PLPP3: variants seen among roughly 807,000 people sequenced by gnomAD.
The protein encoded by PLPP3 is PAP2 beta.
A neutral mutation model predicts 29.6 loss-of-function variants in PLPP3; 6 were observed. That is an observed-to-expected ratio of 0.20 (90% confidence interval 0.11 to 0.40). The LOEUF (loss-of-function observed/expected upper bound fraction) is 0.40. Among genes scored for constraint, PLPP3 ranks in the 10% least tolerant of loss-of-function variants. The pLI is 1.00. For synonymous variants in PLPP3, 152 were observed against 159.7 expected (o/e 0.95, Z 0.36); for missense variants, 308 against 407.7 (o/e 0.76, Z 2.11).
At chr1:56,568,281 A>G (rs116484663) in intron 1 of PLPP3, among the ~76,000 whole-genome samples, 24 of 152,352 alleles carry the variant, frequency 1.6e-4, no homozygotes, top group Non-Finnish European at 3.5e-4. Flanking sequence ...ACTAAAAACC[A>G]ATGAATCGTG....
At chr1:56,546,595 T>C (rs1320050893) in intron 1 of PLPP3, among the ~76,000 whole-genome samples, 1 of 152,192 alleles carries the variant, frequency 6.6e-6, no homozygotes, top group Non-Finnish European at 1.5e-5. Flanking sequence ...TCATGTCAAG[T>C]CACCAGGGCA....
chr1:56,567,708 T>C (rs1273457610), intron 1 of PLPP3, among the ~76,000 whole-genome samples: 1 of 152,144 alleles, frequency 6.6e-6, no homozygotes, highest in Non-Finnish European at 1.5e-5. Context: ...AATCTTAAGG[T>C]ATTTCTAAAA....
At position 56,495,469 on chromosome 1, in the gene PLPP3, T is replaced by C. The variant is rs889091662; in HGVS notation, c.*1082A>G. ...GGCTCAACCCCAAGACAATAGTGCT[T>C]TACACAGCAAGAGCAACTCCTACAA... On this transcript the variant is annotated 3_prime_UTR_variant, in exon 6 of 6. Coordinates refer to ENST00000371250, the MANE Select transcript of PLPP3 (RefSeq NM_003713.5). 3.3e-5 allele frequency: 5 copies of C among 152,642 alleles called. No individual in the cohort carries two copies. Among genetic ancestry groups the C allele is most frequent in the Non-Finnish European group, 7.3e-5 (5 of 68,030 alleles). The allele number at this position is 152,642 out of a possible 1,614,324, so 9.5% of individuals were successfully genotyped here.
At chr1:56,521,886 G>A (rs1177340923) in intron 4 of PLPP3, among the ~76,000 whole-genome samples, 1 of 152,126 alleles carries the variant, frequency 6.6e-6, no homozygotes, top group African/African-American at 2.4e-5. Flanking sequence ...TCTCTAGATG[G>A]TAAGGAGGTA....
rs140101175 is a variant in PLPP3 at position 56,499,812 on chromosome 1, G to C, written c.811-3136C>G. On this transcript the variant is annotated intron_variant, in intron 5 of 5. Coordinates refer to ENST00000371250, the MANE Select transcript of PLPP3 (RefSeq NM_003713.5). Reference sequence around the variant, plus strand: ...ACAAAAAGACCTAGTAAAAGTAAAAGCTTCTTGGCTTGAAGCAGTTCCATT... The same window carrying C: ...ACAAAAAGACCTAGTAAAAGTAAAACCTTCTTGGCTTGAAGCAGTTCCATT... Among the ~76,000 whole-genome samples, 289 of 152,256 alleles carry C rather than the reference G, an allele frequency of 1.9e-3. 1 individual carries two copies. Among genetic ancestry groups the C allele is most frequent in the African/African-American group, 6.5e-3 (271 of 41,558 alleles).
intron 1 of PLPP3, among the ~76,000 whole-genome samples, chr1:56,572,043 G>GTTTTTTTTTTTTTTT (rs375576842): frequency 3.5e-5 from 3 of 85,072 alleles, no homozygotes; most frequent in Non-Finnish European, 6.0e-5. Flanking sequence ...ATCATTTCTG[G>GTTTTTTTTTTTTTTT]TTTTTTTTTT....
chr1:56,578,349 G>A (rs76864856), intron 1 of PLPP3, among the ~76,000 whole-genome samples: 2 of 152,304 alleles, frequency 1.3e-5, no homozygotes, highest in East Asian at 1.9e-4. Flanking sequence ...ACCTACAGGA[G>A]AGGAGCAAGT....
At chr1:56,563,147 C>G (rs1381311690) in intron 1 of PLPP3, among the ~76,000 whole-genome samples, 1 of 152,192 alleles carries the variant, frequency 6.6e-6, no homozygotes, top group Non-Finnish European at 1.5e-5. Flanking sequence ...TGGACCTACT[C>G]TAAGTCCTAT....
chr1:56,530,431 A>G (rs1645880064), intron 2 of PLPP3, among the ~76,000 whole-genome samples: 2 of 152,178 alleles, frequency 1.3e-5, no homozygotes, highest in African/African-American at 4.8e-5. Flanking sequence ...AGATGTTAGT[A>G]CCATTTCAAA....
intron 1 of PLPP3, among the ~76,000 whole-genome samples, chr1:56,552,237 A>G (rs543779826): frequency 1.3e-3 from 204 of 151,880 alleles, no homozygotes; most frequent in African/African-American, 2.5e-3. Flanking sequence ...AAAAAAAAAA[A>G]AAAGAAAGAA....
At chr1:56,574,055 C>T (rs1344354440) in intron 1 of PLPP3, among the ~76,000 whole-genome samples, 1 of 151,954 alleles carries the variant, frequency 6.6e-6, no homozygotes, top group African/African-American at 2.4e-5. Context: ...AAAAAATTAG[C>T]TAAGCATGGT....
chr1:56,568,987 A>C (rs928443585), intron 1 of PLPP3, among the ~76,000 whole-genome samples: 1 of 151,838 alleles, frequency 6.6e-6, no homozygotes, highest in Non-Finnish European at 1.5e-5. Context: ...TTCAGCTTGC[A>C]CTTGCCACCC....
chr1:56,575,113 C>T (rs558799009), intron 1 of PLPP3, among the ~76,000 whole-genome samples: 22 of 152,128 alleles, frequency 1.4e-4, no homozygotes, highest in Non-Finnish European at 2.8e-4. Context: ...AAGTCTCTAA[C>T]GTCAAGCCTC....
At chr1:56,548,403 C>G (rs537907678) in intron 1 of PLPP3, among the ~76,000 whole-genome samples, 41 of 152,294 alleles carry the variant, frequency 2.7e-4, no homozygotes, top group African/African-American at 8.7e-4. Flanking sequence ...AGTTGATTTC[C>G]TCTCTCTGTG....
chr1:56,525,478 A>G (rs1224950868), intron 2 of PLPP3, among the ~76,000 whole-genome samples: 1 of 152,204 alleles, frequency 6.6e-6, no homozygotes, highest in Admixed American at 6.5e-5. Context: ...CCTATTATAT[A>G]CCAGACATTG....
intron 4 of PLPP3, chr1:56,512,926 T>C (rs1340690445): frequency 6.6e-6 from 1 of 152,140 alleles, no homozygotes; most frequent in Admixed American, 6.5e-5. Context: ...ATTACGGCTA[T>C]ATAATCCCTA....
chr1:56,532,958 A>T (rs1431963496), intron 2 of PLPP3, among the ~76,000 whole-genome samples: 1 of 152,024 alleles, frequency 6.6e-6, no homozygotes, highest in African/African-American at 2.4e-5. Context: ...CAGCTACGGA[A>T]TGCTTCCTGG....
intron 1 of PLPP3, among the ~76,000 whole-genome samples, chr1:56,549,148 G>T (rs754150835): frequency 1.3e-5 from 2 of 152,178 alleles, no homozygotes; most frequent in African/African-American, 2.4e-5. Context: ...GGGAAAAAAG[G>T]TTTCTACTTT....
At chr1:56,513,229 A>C (rs1645756722) in intron 4 of PLPP3, 1 of 152,606 alleles carries the variant, frequency 6.6e-6, no homozygotes, top group Admixed American at 6.5e-5. Context: ...GAAGCAAAGT[A>C]GTTGAAATGA....
Sources: gnomAD v4.1 joint callset for allele counts (sites outside exome capture counted in the v4.1 genomes callset) on GRCh38, gnomAD v4.1.1 for gene constraint, MANE v1.5 for transcripts, NCBI Gene and HGNC (gene_info 2026-07-23, HGNC 2026-07-21) for gene names.